Variants in ZFHX3 observed in about 807,000 individuals in gnomAD.
ZFHX3 encodes zinc finger homeobox protein 3.
In ZFHX3, 42 loss-of-function variants were observed where a neutral mutation model predicts 279.1. The ratio of observed to expected loss-of-function variants is 0.15; its 90% confidence interval spans 0.12 to 0.19. The LOEUF is 0.19. Ranked by LOEUF, ZFHX3 falls within the 10% of genes least tolerant of loss-of-function variation. The pLI, the probability that ZFHX3 is intolerant of heterozygous loss-of-function variation, is 1.00. For missense variants in ZFHX3, 4,981 were observed against 4,754.0 expected, an observed-to-expected ratio of 1.05 and a Z score of -1.40; for synonymous variants, 2,293 against 1,957.8, an observed-to-expected ratio of 1.17 and a Z score of -4.52.
At chr16:73,412,415 C>A (rs1443271351) in intron 3 of ZFHX3, among the ~76,000 whole-genome samples, 1 of 152,130 alleles carries the variant, frequency 6.6e-6, no homozygotes, top group Non-Finnish European at 1.5e-5. Context: ...ACCCATTCCA[C>A]CTGAATTGCC....
chr16:73,391,657 A>G (rs2017015052), intron 3 of ZFHX3, among the ~76,000 whole-genome samples: 1 of 152,174 alleles, frequency 6.6e-6, no homozygotes, highest in Non-Finnish European at 1.5e-5. Context: ...AGACTCTAAC[A>G]TATCAAAGAG....
intron 3 of ZFHX3, among the ~76,000 whole-genome samples, chr16:73,390,334 AG>A (rs2016986323): frequency 6.6e-6 from 1 of 152,090 alleles, no homozygotes. Context: ...AGAGTTCACC[AG>A]TGAAGTGTTA....
At chr16:73,147,530 A>G (rs111676771) in intron 5 of ZFHX3, among the ~76,000 whole-genome samples, 3,894 of 150,912 alleles carry the variant, frequency 0.026, 67 homozygotes, top group South Asian at 0.042. Flanking sequence ...GTCTCTACTA[A>G]AAATACAAAA....
chr16:72,900,842 C>T (rs979963234), intron 3 of ZFHX3, among the ~76,000 whole-genome samples: 4 of 152,194 alleles, frequency 2.6e-5, no homozygotes, highest in African/African-American at 9.7e-5. Flanking sequence ...CTGGCCAGGA[C>T]AGCAATGGCC....
In ZFHX3 at chr16:72,919,160, CT is replaced by C. The variant is rs544032775; in HGVS notation, c.3217-29199del. On this transcript the variant is annotated intron_variant, in intron 3 of 9. Transcript: ENST00000268489. ...GCAGGACCTCAGCTCAGATTCTGTACTTTTTTTTTTTTTAGAGACAGGGTCT... is the reference window on the plus strand; with the variant it reads ...GCAGGACCTCAGCTCAGATTCTGTACTTTTTTTTTTTTAGAGACAGGGTCT... 2.3e-3 allele frequency among the ~76,000 whole-genome samples: 333 copies of C among 142,194 alleles called. 1 individual carries two copies. Among genetic ancestry groups the C allele is most frequent in the Non-Finnish European group, 2.4e-3 (155 of 64,480 alleles). The allele number at this position is 142,194 out of a possible 152,430, so 93.3% of individuals were successfully genotyped here.
chr16:72,825,963 C>T (rs999862768), intron 5 of ZFHX3, among the ~76,000 whole-genome samples: 9 of 152,170 alleles, frequency 5.9e-5, no homozygotes, highest in South Asian at 2.1e-4. Flanking sequence ...ATAGTAATAT[C>T]GGTCTTACGA....
At chr16:73,108,348 G>C (rs1597159578) in intron 7 of ZFHX3, among the ~76,000 whole-genome samples, 1 of 151,780 alleles carries the variant, frequency 6.6e-6, no homozygotes, top group African/African-American at 2.4e-5. Flanking sequence ...AAAAAAGAGA[G>C]AGAGAGAATA....
Position 73,404,852 on chromosome 16 carries a change from G to A in ZFHX3, c.-1291+51151C>T, listed in dbSNP as rs549214281. Among the ~76,000 whole-genome samples, 15 of 152,246 alleles carry A rather than the reference G, an allele frequency of 9.9e-5. 1 individual carries two copies. The South Asian group carries it at 3.1e-3, about 32-fold the overall frequency. ...TGTTTCCCAGGTGGAAGGCCCATTC[G>A]AAGCACTTTACATACATTATCTAAT... On this transcript the variant is annotated intron_variant, in intron 3 of 17. Coordinates refer to the ZFHX3 transcript ENST00000641206.
chr16:72,791,032 T>C lies in ZFHX3; in HGVS notation c.9428-2184A>G, dbSNP rs540934097. The C allele has an allele frequency of 2.6e-5, 4 of 152,350 alleles. No homozygotes were observed. In the East Asian group the frequency reaches 7.7e-4, roughly 29 times the overall value. 9.4% of individuals were successfully genotyped at this position (152,350 alleles called of 1,614,324 possible). A position where few individuals can be genotyped will look rare whatever the true frequency, so the allele number is the denominator to read the frequency against. On this transcript the variant is annotated intron_variant, in intron 9 of 9. Transcript: ENST00000268489. ...ACACTCACAACTCTGTGACATCCTT[T>C]TTCTGATCTGTAAGATCAGAATCAG...
chr16:73,362,415 A>G (rs1310174191), intron 3 of ZFHX3, among the ~76,000 whole-genome samples: 6 of 152,120 alleles, frequency 3.9e-5, no homozygotes, highest in African/African-American at 1.4e-4. Flanking sequence ...AACAGTTGAG[A>G]GTGTCTCTAT....
At chr16:73,230,993 C>CA (rs1855045991) in intron 5 of ZFHX3, among the ~76,000 whole-genome samples, 3 of 152,188 alleles carry the variant, frequency 2.0e-5, no homozygotes, top group African/African-American at 7.2e-5. Flanking sequence ...CAGGAGGAGA[C>CA]AGATAGGGCA....
intron 8 of ZFHX3, among the ~76,000 whole-genome samples, chr16:73,064,820 T>C (rs531121149): frequency 1.3e-5 from 2 of 152,240 alleles, no homozygotes; most frequent in Admixed American, 1.3e-4. Context: ...AAATCCAACC[T>C]TGGGGCAGGA....
At chr16:72,857,539 G>A (rs2037783309) in intron 4 of ZFHX3, among the ~76,000 whole-genome samples, 1 of 152,116 alleles carries the variant, frequency 6.6e-6, no homozygotes, top group Non-Finnish European at 1.5e-5. Flanking sequence ...AAAAGTATTA[G>A]CCAGGTATGG....
intron 4 of ZFHX3, among the ~76,000 whole-genome samples, chr16:72,833,449 G>A (rs1454590674): frequency 6.6e-6 from 1 of 152,154 alleles, no homozygotes; most frequent in Admixed American, 6.5e-5. Flanking sequence ...GACAGATGGT[G>A]GGAACAAGTG....
At chr16:73,880,055 T>C (rs546618845) in intron 1 of ZFHX3, among the ~76,000 whole-genome samples, 124 of 152,270 alleles carry the variant, frequency 8.1e-4, no homozygotes, top group Non-Finnish European at 1.4e-3. Flanking sequence ...TCGGCGTGAA[T>C]GGGAGAGTAA....
intron 1 of ZFHX3, among the ~76,000 whole-genome samples, chr16:72,960,656 G>A (rs1445648987): frequency 6.6e-6 from 1 of 152,158 alleles, no homozygotes; most frequent in Non-Finnish European, 1.5e-5. Flanking sequence ...GGAACACAGG[G>A]GAGGGCTGAG....
At chr16:73,302,891 A>G (rs1394867259) in intron 4 of ZFHX3, among the ~76,000 whole-genome samples, 1 of 152,136 alleles carries the variant, frequency 6.6e-6, no homozygotes, top group Non-Finnish European at 1.5e-5. Context: ...GCCTTGGACT[A>G]TTTGCTTTGA....
chr16:73,775,876 A>C (rs575438238), intron 1 of ZFHX3, among the ~76,000 whole-genome samples: 3 of 152,186 alleles, frequency 2.0e-5, no homozygotes, highest in Non-Finnish European at 4.4e-5. Flanking sequence ...GGAGAGGTTG[A>C]AAAATCTGAG....
chr16:73,492,549 C>T (rs1049786540), intron 2 of ZFHX3, among the ~76,000 whole-genome samples: 1 of 152,172 alleles, frequency 6.6e-6, no homozygotes, highest in Non-Finnish European at 1.5e-5. Flanking sequence ...ACATTTCAAA[C>T]CCAGGTCTTC....
Sources: gnomAD v4.1 joint callset for allele counts (sites outside exome capture counted in the v4.1 genomes callset) on GRCh38, gnomAD v4.1.1 for gene constraint, MANE v1.5 for transcripts, NCBI Gene and HGNC (gene_info 2026-07-23, HGNC 2026-07-21) for gene names.